The following ACOT12 variants were observed in gnomAD, a reference collection of about 807,000 sequenced individuals.
ACOT12 encodes acyl-CoA thioesterase 12.
In ACOT12, 51 loss-of-function variants were observed where a neutral mutation model predicts 67.7. The ratio of observed to expected loss-of-function variants is 0.75; its 90% CI spans 0.60 to 0.95. The LOEUF (loss-of-function observed/expected upper bound fraction) is 0.95, where lower values mean the gene tolerates loss of function less well. ACOT12 is among the 40% of genes least tolerant of loss of function. The pLI is 0.00. For missense variants in ACOT12, 734 were observed against 708.1 expected (o/e 1.04, Z -0.41); for synonymous variants, 251 against 244.6 (o/e 1.03, Z -0.24).
chr5:81,378,340 A>G (rs1261594384), intron 2 of ACOT12, among the ~76,000 whole-genome samples: 1 of 152,218 alleles, frequency 6.6e-6, no homozygotes, highest in Non-Finnish European at 1.5e-5. Context: ...TTAACTCAAG[A>G]TGGATTAAAG....
the ACOT12 span, among the ~76,000 whole-genome samples, chr5:81,321,683 C>T: frequency 6.6e-6 from 1 of 152,108 alleles, no homozygotes; most frequent in Non-Finnish European, 1.5e-5. Flanking sequence ...CAGTGGCTCA[C>T]GCCTATAATC....
chr5:81,380,584 A>T (rs1322179887), intron 2 of ACOT12, among the ~76,000 whole-genome samples: 1 of 148,806 alleles, frequency 6.7e-6, no homozygotes, highest in African/African-American at 2.4e-5. Context: ...AAAAAAAGAA[A>T]AGAAATCTAT....
At chr5:81,348,993 G>A (rs1017861697) in intron 5 of ACOT12, among the ~76,000 whole-genome samples, 2 of 152,248 alleles carry the variant, frequency 1.3e-5, no homozygotes, top group Non-Finnish European at 2.9e-5. Flanking sequence ...GCATCACGAA[G>A]TGAACCACCG....
rs1275849312 is a variant in ACOT12 at position 81,345,987 on chromosome 5, T to C, written c.671A>G (p.His224Arg). The C allele has an allele frequency of 6.2e-7, 1 of 1,613,938 alleles. No individual in the cohort carries two copies. The highest frequency in any genetic ancestry group is 1.1e-5 in the South Asian group (1 of 91,076). The change falls in exon 7 of 15, where the codon CAT becomes CGT. Residue 224 changes from histidine to arginine, a missense_variant. Physicochemically the swap from His to Arg is conservative, Grantham distance 29 (BLOSUM62 0). Coordinates refer to ENST00000307624, the MANE Select transcript of ACOT12 (RefSeq NM_130767.3). ...CATATCTACGGACTTCAGAAAGGGA[T>C]GAGCCCAACACAGGCGGCTGGGGAG... ...TISASRLCWA[H>R]PFLKSVDMFK...
intron 5 of ACOT12, among the ~76,000 whole-genome samples, chr5:81,359,639 C>T (rs532300048): frequency 6.6e-6 from 1 of 152,308 alleles, no homozygotes; most frequent in African/African-American, 2.4e-5. Context: ...TGAATACATG[C>T]TTACTAATGA....
At chr5:81,332,329 A>AC in intron 13 of ACOT12, 148 bp downstream of exon 13, 2 of 910,636 alleles carry the variant, frequency 2.2e-6, no homozygotes. Context: ...TTTTAAAATA[A>AC]TAGCTAAAGA....
At chr5:81,317,180 A>G in the ACOT12 span, among the ~76,000 whole-genome samples, 1 of 152,188 alleles carries the variant, frequency 6.6e-6, no homozygotes, top group African/African-American at 2.4e-5. Context: ...GCTATAAAGA[A>G]CTACCCAAGG....
intron 5 of ACOT12, 37 bp from the exon 6 acceptor site, chr5:81,347,967 G>A: frequency 6.3e-7 from 1 of 1,598,346 alleles, no homozygotes. Context: ...ATGGTGGAGT[G>A]AACCATAGGC....
the ACOT12 span, among the ~76,000 whole-genome samples, chr5:81,315,972 C>T: frequency 5.3e-5 from 8 of 152,160 alleles, no homozygotes; most frequent in Non-Finnish European, 8.8e-5. Flanking sequence ...ATAATCTCCA[C>T]GGGGGGTGGA....
At chr5:81,308,903 C>T in the ACOT12 span, 37 of 1,523,138 alleles carry the variant, frequency 2.4e-5, no homozygotes, top group Non-Finnish European at 2.9e-5. Context: ...TTATGACTTG[C>T]CATATGTATT....
chr5:81,350,638 G>C (rs1466680848), intron 5 of ACOT12, among the ~76,000 whole-genome samples: 1 of 152,072 alleles, frequency 6.6e-6, no homozygotes, highest in Non-Finnish European at 1.5e-5. Context: ...AGATCCCCTG[G>C]GGTCCTACAA....
chr5:81,324,814 G>C, the ACOT12 span, among the ~76,000 whole-genome samples: 1 of 152,168 alleles, frequency 6.6e-6, no homozygotes, highest in Non-Finnish European at 1.5e-5. Context: ...GTCAAGAACA[G>C]GGCCATTAGA....
intron 12 of ACOT12, 130 bp downstream of exon 12, chr5:81,335,638 G>T: frequency 1.7e-6 from 2 of 1,181,146 alleles, no homozygotes; most frequent in Non-Finnish European, 2.4e-6. Context: ...TGCTATGCTG[G>T]GTCAAACTTC....
chr5:81,310,344 T>G, the ACOT12 span, among the ~76,000 whole-genome samples: 1 of 152,166 alleles, frequency 6.6e-6, no homozygotes, highest in Non-Finnish European at 1.5e-5. Flanking sequence ...ACTGGATACA[T>G]TTTTGTATGG....
At chr5:81,373,015 C>T (rs150443844) in intron 2 of ACOT12, among the ~76,000 whole-genome samples, 3 of 152,190 alleles carry the variant, frequency 2.0e-5, no homozygotes, top group Non-Finnish European at 4.4e-5. Context: ...ATACTAATAA[C>T]AATGACTACT....
At chr5:81,336,210 G>A (rs998284543) in intron 11 of ACOT12, among the ~76,000 whole-genome samples, 1 of 150,770 alleles carries the variant, frequency 6.6e-6, no homozygotes. Flanking sequence ...TTGTCTCTTT[G>A]TGATGTTTCC....
intron 5 of ACOT12, 44 bp from the exon 6 acceptor site, chr5:81,347,974 A>C: frequency 6.3e-7 from 1 of 1,581,950 alleles, no homozygotes; most frequent in Non-Finnish European, 8.6e-7. Context: ...AGTGAACCAT[A>C]GGCCCTGGGG....
downstream of ACOT12, among the ~76,000 whole-genome samples, chr5:81,325,914 A>G (rs988767894): frequency 1.3e-5 from 2 of 151,962 alleles, no homozygotes; most frequent in Admixed American, 1.3e-4. Context: ...GGCTCAAGCA[A>G]TCCTCCCACC....
At chr5:81,320,310 T>G in the ACOT12 span, among the ~76,000 whole-genome samples, 2 of 152,186 alleles carry the variant, frequency 1.3e-5, no homozygotes, top group African/African-American at 4.8e-5. Context: ...AAGGGCCTAC[T>G]TACTATGGGC....
Sources: gnomAD v4.1 joint callset for allele counts (sites outside exome capture counted in the v4.1 genomes callset) on GRCh38, gnomAD v4.1.1 for gene constraint, MANE v1.5 for transcripts, NCBI Gene and HGNC (gene_info 2026-07-23, HGNC 2026-07-21) for gene names.